CHODL: variants seen among roughly 807,000 people sequenced by gnomAD.
CHODL encodes the protein transmembrane protein MT75.
A neutral mutation model predicts 34.5 loss-of-function variants in CHODL; 29 were observed. The observed-to-expected ratio is 0.84, with a 90% CI of 0.63 to 1.15. The LOEUF (loss-of-function observed/expected upper bound fraction) is 1.15. CHODL is among the 50% of genes most tolerant of loss of function. The probability of loss-of-function intolerance (pLI) is 0.00; values close to 1 mark genes in which losing one functional copy is unlikely to be tolerated. For missense variants in CHODL, 332 were observed against 332.5 expected, an observed-to-expected ratio of 1.00 and a Z score of 0.01; for synonymous variants, 125 against 116.1, an observed-to-expected ratio of 1.08 and a Z score of -0.49.
intron 2 of CHODL, among the ~76,000 whole-genome samples, chr21:18,056,802 G>A (rs2064587935): frequency 6.6e-6 from 1 of 151,928 alleles, no homozygotes; most frequent in South Asian, 2.1e-4. Flanking sequence ...ATTTTTCTGA[G>A]GAGATTAATG....
chr21:18,083,742 C>T (rs1329311158), intron 2 of CHODL, among the ~76,000 whole-genome samples: 1 of 152,156 alleles, frequency 6.6e-6, no homozygotes, highest in Non-Finnish European at 1.5e-5. Flanking sequence ...TTTGTTTTGA[C>T]CAGTTCCTCC....
intron 2 of CHODL, among the ~76,000 whole-genome samples, chr21:18,233,713 A>G (rs892793039): frequency 6.6e-6 from 1 of 152,080 alleles, no homozygotes; most frequent in East Asian, 1.9e-4. Context: ...GCCTTATTTC[A>G]TAATGGTTAG....
At chr21:18,246,330 T>C (rs1305718181) in intron 1 of CHODL, among the ~76,000 whole-genome samples, 3 of 152,188 alleles carry the variant, frequency 2.0e-5, no homozygotes, top group Non-Finnish European at 2.9e-5. Flanking sequence ...TTCACTTTTG[T>C]ACACCTATAC....
chr21:18,075,863 G>A (rs969156873), intron 2 of CHODL, among the ~76,000 whole-genome samples: 4 of 152,104 alleles, frequency 2.6e-5, no homozygotes, highest in East Asian at 1.9e-4. Flanking sequence ...CAGGACTGTC[G>A]TGAGTAGGAT....
At chr21:18,159,017 C>T (rs1376622034) in intron 2 of CHODL, among the ~76,000 whole-genome samples, 2 of 152,044 alleles carry the variant, frequency 1.3e-5, no homozygotes, top group African/African-American at 4.8e-5. Context: ...AGTGGAATTC[C>T]TTAAATGTGA....
intron 1 of CHODL, among the ~76,000 whole-genome samples, chr21:17,965,019 A>G (rs550090204): frequency 6.6e-6 from 1 of 152,354 alleles, no homozygotes; most frequent in South Asian, 2.1e-4. Flanking sequence ...TGGACTTGTC[A>G]TACTTCAGAA....
intron 1 of CHODL, among the ~76,000 whole-genome samples, chr21:17,959,005 C>A (rs1226186604): frequency 6.6e-6 from 1 of 151,856 alleles, no homozygotes; most frequent in Non-Finnish European, 1.5e-5. Flanking sequence ...TTCTTTTTTG[C>A]CTCTAAAGAC....
intron 1 of CHODL, among the ~76,000 whole-genome samples, chr21:17,989,352 A>G (rs1007075819): frequency 2.0e-5 from 3 of 152,128 alleles, no homozygotes; most frequent in African/African-American, 4.8e-5. Flanking sequence ...GAGGACATTA[A>G]GTTTCTTTTA....
At chr21:18,248,503 A>G (rs962382248) in intron 1 of CHODL, among the ~76,000 whole-genome samples, 2 of 147,886 alleles carry the variant, frequency 1.4e-5, no homozygotes, top group Non-Finnish European at 3.0e-5. Flanking sequence ...GCTGTTTGTC[A>G]TCATTTTATG....
chr21:18,218,026 G>T (rs1355729948), intron 2 of CHODL, among the ~76,000 whole-genome samples: 1 of 152,240 alleles, frequency 6.6e-6, no homozygotes, highest in East Asian at 1.9e-4. Context: ...ACTCTGGGCT[G>T]CTTTCACAGG....
At chr21:18,126,914 C>A (rs767854144) in intron 2 of CHODL, among the ~76,000 whole-genome samples, 1 of 152,144 alleles carries the variant, frequency 6.6e-6, no homozygotes, top group Non-Finnish European at 1.5e-5. Flanking sequence ...CTACAGAAAT[C>A]CTGGAATACT....
At chr21:18,178,178 C>A (rs939199596) in intron 2 of CHODL, among the ~76,000 whole-genome samples, 4 of 152,094 alleles carry the variant, frequency 2.6e-5, no homozygotes, top group African/African-American at 7.2e-5. Context: ...TATAAATTTC[C>A]TAACTATATA....
At chr21:17,974,409 A>T (rs956988717) in intron 1 of CHODL, among the ~76,000 whole-genome samples, 19 of 151,974 alleles carry the variant, frequency 1.3e-4, no homozygotes, top group African/African-American at 4.6e-4. Flanking sequence ...AGTAGCTGGG[A>T]TTACAGGCTC....
At chr21:18,244,260 G>A (rs1180036707), upstream of CHODL, among the ~76,000 whole-genome samples, 4 of 152,202 alleles carry the variant, frequency 2.6e-5, no homozygotes, top group Admixed American at 6.5e-5. Flanking sequence ...TGCAAACACT[G>A]AGAGTGAAAT....
At chr21:17,976,250 GAC>G (rs147532935) in intron 1 of CHODL, among the ~76,000 whole-genome samples, 37,264 of 119,898 alleles carry the variant, frequency 0.31, 6,335 homozygotes, top group East Asian at 0.63. Flanking sequence ...CAACCTGGGT[GAC>G]ACAGTGAGAC....
At chr21:17,924,861 C>G (rs921596337) in intron 1 of CHODL, among the ~76,000 whole-genome samples, 2 of 152,024 alleles carry the variant, frequency 1.3e-5, no homozygotes, top group Admixed American at 1.3e-4. Flanking sequence ...GTTATATTAC[C>G]ACAGAGCTTG....
intron 2 of CHODL, among the ~76,000 whole-genome samples, chr21:18,197,281 A>G (rs531539489): frequency 1.1e-4 from 17 of 152,318 alleles, no homozygotes; most frequent in Non-Finnish European, 2.2e-4. Flanking sequence ...GTATGAAACC[A>G]TTATTCTCAA....
intron 2 of CHODL, among the ~76,000 whole-genome samples, chr21:18,133,816 C>T (rs1415318981): frequency 6.6e-6 from 1 of 152,194 alleles, no homozygotes; most frequent in Non-Finnish European, 1.5e-5. Flanking sequence ...CACACTCATA[C>T]TGCCTATTGT....
intron 1 of CHODL, among the ~76,000 whole-genome samples, chr21:18,022,618 A>C (rs1035872954): frequency 6.6e-6 from 1 of 152,074 alleles, no homozygotes; most frequent in African/African-American, 2.4e-5. Context: ...AGGGAGTCTA[A>C]TTTTCCATTC....
Sources: allele counts gnomAD v4.1 joint callset (sites outside exome capture counted in the v4.1 genomes callset), GRCh38; gene constraint gnomAD v4.1.1; transcripts MANE v1.5; gene names NCBI Gene and HGNC (gene_info 2026-07-23, HGNC 2026-07-21).